ABCA1: variants seen among roughly 807,000 people sequenced by gnomAD.
The protein encoded by ABCA1 is ATP binding cassette subfamily A member 1.
In ABCA1, 133 loss-of-function variants were observed where a neutral mutation model predicts 262.5. That is an observed-to-expected ratio of 0.51 (90% CI 0.44 to 0.59). The LOEUF (loss-of-function observed/expected upper bound fraction) is 0.59. ABCA1 is among the 20% of genes least tolerant of loss of function. The pLI is 0.00. For missense variants in ABCA1, 2,452 were observed against 2,777.5 expected (o/e 0.88, Z 2.63); for synonymous variants, 1,022 against 1,043.5 (o/e 0.98, Z 0.40).
intron 5 of ABCA1, 92 bp downstream of exon 5, chr9:104,882,947 T>C: frequency 1.6e-6 from 2 of 1,257,022 alleles, no homozygotes; most frequent in Admixed American, 1.7e-5. Context: ...GAAGATCTAA[T>C]GGGAACAAGC....
chr9:104,833,798 C>T (rs1833558707), intron 11 of ABCA1, among the ~76,000 whole-genome samples: 1 of 152,192 alleles, frequency 6.6e-6, no homozygotes, highest in Non-Finnish European at 1.5e-5. Context: ...GGCCTATTTC[C>T]ATTTCTTGTT....
At chr9:104,927,536 C>T (rs1452361508) in intron 1 of ABCA1, 1 of 152,392 alleles carries the variant, frequency 6.6e-6, no homozygotes, top group Non-Finnish European at 1.5e-5. Flanking sequence ...GACCTGCAAC[C>T]AGAAGGGTTT....
intron 46 of ABCA1, 42 bp from the exon 47 acceptor site, chr9:104,787,018 A>G: frequency 6.4e-7 from 1 of 1,553,714 alleles, no homozygotes; most frequent in Non-Finnish European, 8.8e-7. Context: ...TGGGGGGAAA[A>G]AAAATCAAAG....
At chr9:104,785,667 G>A in intron 48 of ABCA1, 28 bp from the exon 49 acceptor site, 1 of 1,613,100 alleles carries the variant, frequency 6.2e-7, no homozygotes, top group Non-Finnish European at 8.5e-7. Flanking sequence ...TACCCAAATG[G>A]AGGATCTCCA....
intron 17 of ABCA1, among the ~76,000 whole-genome samples, chr9:104,825,204 C>A (rs1832714649): frequency 6.6e-6 from 1 of 152,198 alleles, no homozygotes; most frequent in South Asian, 2.1e-4. Context: ...GAAACAGAAC[C>A]TCTCCTAGTT....
intron 18 of ABCA1, among the ~76,000 whole-genome samples, chr9:104,824,065 T>C (rs1468150402): frequency 1.3e-5 from 2 of 152,228 alleles, no homozygotes; most frequent in Non-Finnish European, 2.9e-5. Flanking sequence ...TGGTAGCCAC[T>C]TGGTCTCAGC....
chr9:104,908,276 C>A (rs1329247828), intron 1 of ABCA1, among the ~76,000 whole-genome samples: 1 of 152,196 alleles, frequency 6.6e-6, no homozygotes, highest in African/African-American at 2.4e-5. Context: ...ACCCAGTCAT[C>A]CCATCCTAGG....
intron 5 of ABCA1, among the ~76,000 whole-genome samples, chr9:104,881,696 T>A (rs1442062195): frequency 1.2e-4 from 19 of 152,158 alleles, no homozygotes; most frequent in Non-Finnish European, 4.4e-5. Flanking sequence ...TCCCCAGCTG[T>A]GCCTCTGGTC....
At chr9:104,898,250 T>A (rs1464923287) in intron 2 of ABCA1, among the ~76,000 whole-genome samples, 1 of 152,046 alleles carries the variant, frequency 6.6e-6, no homozygotes, top group African/African-American at 2.4e-5. Flanking sequence ...CTCTTGCACA[T>A]AAAATAAAAT....
rs1187472983 is a variant in ABCA1 at position 104,884,587 on chromosome 9, A to C, written c.161-19T>G. On this transcript the variant is annotated intron_variant, in intron 3 of 49. Coordinates refer to ENST00000374736, the MANE Select transcript of ABCA1 (RefSeq NM_005502.4). ...AAATGGCCTGTTGAAATCGAGGAGT[A>C]GAAAAACACAGGGAGAAACATTAAT... 1 of 1,614,026 alleles carries C rather than the reference A, an allele frequency of 6.2e-7. No individual in the cohort carries two copies. The highest frequency in any genetic ancestry group is 2.2e-5 in the East Asian group (1 of 44,896).
chr9:104,876,107 C>G (rs1838141796), intron 5 of ABCA1, among the ~76,000 whole-genome samples: 1 of 152,198 alleles, frequency 6.6e-6, no homozygotes, highest in African/African-American at 2.4e-5. Context: ...TGGCTTCCAG[C>G]CACACCATAG....
chr9:104,793,481 A>G (rs1829611172), intron 40 of ABCA1, among the ~76,000 whole-genome samples, 181 bp from the exon 41 acceptor site: 1 of 152,154 alleles, frequency 6.6e-6, no homozygotes. Context: ...CTGATTTGGG[A>G]AAACTTTTTA....
chr9:104,793,496 C>A (rs1035205804), intron 40 of ABCA1, among the ~76,000 whole-genome samples, 196 bp from the exon 41 acceptor site: 1 of 150,990 alleles, frequency 6.6e-6, no homozygotes, highest in African/African-American at 2.4e-5. Context: ...TTTTTATGAC[C>A]CAGTATCAAT....
chr9:104,850,736 C>T (rs1331271477), intron 7 of ABCA1, among the ~76,000 whole-genome samples: 1 of 152,190 alleles, frequency 6.6e-6, no homozygotes, highest in Non-Finnish European at 1.5e-5. Flanking sequence ...ACAAAACTTG[C>T]CAAATCCTAT....
In ABCA1 at chr9:104,782,025, C is replaced by T. The variant is rs139730819; in HGVS notation, c.*2290G>A. On this transcript the variant is annotated 3_prime_UTR_variant, in exon 50 of 50. Coordinates refer to ENST00000374736, the MANE Select transcript of ABCA1 (RefSeq NM_005502.4). ...ATGTTGTGTTTTCTTCAAAATAGTT[C>T]ACAGTGCCTTTTGATTTTTTAAAAT... 1.3e-5 allele frequency: 2 copies of T among 152,240 alleles called. No individual in the cohort carries two copies. The highest frequency in any genetic ancestry group is 3.9e-4 in the East Asian group (2 of 5,186). The allele number at this position is 152,240 out of a possible 1,614,324, so 9.4% of individuals were successfully genotyped here.
rs148631228 is a variant in ABCA1, at chr9:104,833,466, G to C, written c.1312-695C>G. 2.9e-4 allele frequency among the ~76,000 whole-genome samples: 44 copies of C among 152,304 alleles called. 1 individual carries two copies. Among genetic ancestry groups the C allele is most frequent in the South Asian group, 1.7e-3 (8 of 4,822 alleles). Reference sequence around the variant, plus strand: ...CCAAGTGCTGGGATTACAGGCACAAGCCACCAGCCCAGTGAGTATCCTTTA... The same window carrying C: ...CCAAGTGCTGGGATTACAGGCACAACCCACCAGCCCAGTGAGTATCCTTTA... On this transcript the variant is annotated intron_variant, in intron 11 of 49. Coordinates refer to ENST00000374736, the MANE Select transcript of ABCA1 (RefSeq NM_005502.4).
intron 27 of ABCA1, 96 bp downstream of exon 27, chr9:104,814,022 C>A: frequency 7.9e-7 from 1 of 1,273,082 alleles, no homozygotes; most frequent in Non-Finnish European, 1.1e-6. Flanking sequence ...GGATCTATCA[C>A]CTTGGCTAAA....
chr9:104,828,957 G>T lies in ABCA1; in HGVS notation c.2074C>A (p.Pro692Thr). Residue 692 changes from proline to threonine, a missense_variant, in exon 15 of 50, where the codon CCT becomes ACT. Pro to Thr is a conservative substitution (Grantham distance 38). This residue lies in a region of ABCA1 where 1,032 missense variants were observed against 1,089.7 expected (regional missense o/e 0.95). Coordinates refer to ENST00000374736, the MANE Select transcript of ABCA1 (RefSeq NM_005502.4). ...WFSWFISSLI[P>T]LLVSAGLLVV... Reference sequence around the variant, plus strand: ...AGCAGGCCAGCGCTCACAAGAAGAGGAATGAGGCTACTAATGAACCAGCTA... The same window carrying T: ...AGCAGGCCAGCGCTCACAAGAAGAGTAATGAGGCTACTAATGAACCAGCTA... 1 of 1,614,084 alleles carries T rather than the reference G, an allele frequency of 6.2e-7. No individual in the cohort carries two copies. The highest frequency in any genetic ancestry group is 8.5e-7 in the Non-Finnish European group (1 of 1,180,016).
Position 104,819,696 on chromosome 9 carries a change from G to A in ABCA1, c.3131C>T (p.Ala1044Val). 6.2e-7 allele frequency: 1 copy of A among 1,614,164 alleles called. No individual in the cohort carries two copies. Among genetic ancestry groups the A allele is most frequent in the Non-Finnish European group, 8.5e-7 (1 of 1,180,024 alleles). The change falls in exon 22 of 50, where the codon GCC (alanine) becomes GTC (valine). Residue 1044 changes from alanine to valine, a missense_variant. Coordinates refer to ENST00000374736, the MANE Select transcript of ABCA1 (RefSeq NM_005502.4). ...SGGMQRKLSVALAFVGGSKVV... is the reference protein window; with the variant it reads ...SGGMQRKLSVVLAFVGGSKVV... Reference sequence around the variant, plus strand: ...CTTAGATCCCCCGACAAAGGCCAAGGCCACAGATAGCTTTCTCTGCATTCC... The same window carrying A: ...CTTAGATCCCCCGACAAAGGCCAAGACCACAGATAGCTTTCTCTGCATTCC...
Sources: allele counts gnomAD v4.1 joint callset (sites outside exome capture counted in the v4.1 genomes callset), GRCh38; gene constraint gnomAD v4.1.1; regional missense constraint gnomAD v4.1.1; transcripts MANE v1.5; gene names NCBI Gene and HGNC (gene_info 2026-07-23, HGNC 2026-07-21).